Variants in IGFL2 observed in about 807,000 individuals in gnomAD.
The protein encoded by IGFL2 is insulin growth factor-like family member 2.
IGFL2 carries 7 observed loss-of-function variants against 13.9 expected under a neutral mutation model. The observed-to-expected ratio is 0.51, with a 90% CI of 0.29 to 0.95. IGFL2 has a LOEUF of 0.95. Ranked by LOEUF, IGFL2 falls within the 40% of genes least tolerant of loss-of-function variation. The probability of loss-of-function intolerance (pLI) is 0.08; values close to 1 mark genes in which losing one functional copy is unlikely to be tolerated. For synonymous variants in IGFL2, 55 were observed against 55.8 expected, an observed-to-expected ratio of 0.99 and a Z score of 0.07; for missense variants, 138 against 147.8, an observed-to-expected ratio of 0.93 and a Z score of 0.34.
the IGFL2 span, chr19:46,206,717 G>A: frequency 1.3e-5 from 2 of 152,206 alleles, no homozygotes; most frequent in African/African-American, 4.8e-5. Context: ...CTAGTTGAAT[G>A]TATAAGATAC....
rs1313240734 is a variant in IGFL2 at position 46,161,146 on chromosome 19, T to TA, written c.*60dup. ...GGCATCTCAGAAACATAGGCTAAGG[T>TA]AATATGTGTACCAGTAGAGAAGCCT... On this transcript the variant is annotated 3_prime_UTR_variant, in exon 4 of 4. Coordinates refer to ENST00000377693, the MANE Select transcript of IGFL2 (RefSeq NM_001135113.2). 1.8e-5 allele frequency: 23 copies of TA among 1,296,954 alleles called. No homozygotes were observed. The East Asian group carries it at 4.8e-4, about 27-fold the overall frequency. The allele number at this position is 1,296,954 out of a possible 1,614,324, so 80.3% of individuals were successfully genotyped here.
At chr19:46,097,068 TGGAATAGTTTCA>T in the IGFL2 span, among the ~76,000 whole-genome samples, 1 of 152,260 alleles carries the variant, frequency 6.6e-6, no homozygotes, top group African/African-American at 2.4e-5. Context: ...TTCAATTGTT[TGGAATAGTTTCA>T]GAAGAAATGG....
At chr19:46,081,167 C>G in the IGFL2 span, among the ~76,000 whole-genome samples, 34 of 152,288 alleles carry the variant, frequency 2.2e-4, no homozygotes, top group East Asian at 6.4e-3. Context: ...ATACATAACG[C>G]TTATTTCAGG....
At chr19:46,096,212 G>A in the IGFL2 span, among the ~76,000 whole-genome samples, 1 of 152,172 alleles carries the variant, frequency 6.6e-6, no homozygotes, top group South Asian at 2.1e-4. Context: ...GTGGTTAGTA[G>A]TACTCCTTGA....
chr19:46,163,455 G>C (rs374058190), downstream of IGFL2, among the ~76,000 whole-genome samples: 14 of 152,214 alleles, frequency 9.2e-5, no homozygotes, highest in African/African-American at 3.1e-4. Flanking sequence ...TCCATGCCAG[G>C]GGTTCCCTGC....
chr19:46,176,315 G>C, the IGFL2 span, among the ~76,000 whole-genome samples: 1 of 152,052 alleles, frequency 6.6e-6, no homozygotes, highest in South Asian at 2.1e-4. Flanking sequence ...TATTGTTTAG[G>C]AGAGAATTCT....
the IGFL2 span, among the ~76,000 whole-genome samples, chr19:46,084,132 T>C: frequency 6.6e-6 from 1 of 152,240 alleles, no homozygotes; most frequent in South Asian, 2.1e-4. Flanking sequence ...ATTTCTAGTA[T>C]TATACCATTG....
the IGFL2 span, among the ~76,000 whole-genome samples, chr19:46,169,380 C>T: frequency 6.6e-6 from 1 of 151,818 alleles, no homozygotes; most frequent in Admixed American, 6.6e-5. Flanking sequence ...AGAACAATGA[C>T]CATAAAAATA....
At chr19:46,197,207 C>A in the IGFL2 span, 1 of 211,846 alleles carries the variant, frequency 4.7e-6, no homozygotes, top group South Asian at 7.7e-5. Flanking sequence ...TCCCTCAGTC[C>A]CCCAGCGTCC....
the IGFL2 span, among the ~76,000 whole-genome samples, chr19:46,098,401 A>G: frequency 6.6e-6 from 1 of 151,008 alleles, no homozygotes; most frequent in Non-Finnish European, 1.5e-5. Flanking sequence ...GTATCATTGC[A>G]TGGAGATGGG....
chr19:46,129,334 T>TGC, the IGFL2 span, among the ~76,000 whole-genome samples: 5 of 151,596 alleles, frequency 3.3e-5, no homozygotes, highest in Non-Finnish European at 7.4e-5. Context: ...TGTGTGTGTG[T>TGC]GTGTGTGTGT....
At chr19:46,206,103 CAA>C in the IGFL2 span, among the ~76,000 whole-genome samples, 2 of 152,170 alleles carry the variant, frequency 1.3e-5, no homozygotes, top group Non-Finnish European at 2.9e-5. Flanking sequence ...TGTTTGACCA[CAA>C]AGTCTCAGGA....
At chr19:46,138,174 G>A (rs1285933637), upstream of IGFL2, among the ~76,000 whole-genome samples, 1 of 152,132 alleles carries the variant, frequency 6.6e-6, no homozygotes, top group Non-Finnish European at 1.5e-5. Flanking sequence ...CTTTGAAGTT[G>A]CTGTCCTTTG....
chr19:46,125,602 A>G, the IGFL2 span, among the ~76,000 whole-genome samples: 2 of 152,242 alleles, frequency 1.3e-5, no homozygotes, highest in Admixed American at 6.5e-5. Context: ...CTGGCACAGC[A>G]TAGGGAAGAG....
chr19:46,208,872 A>C, the IGFL2 span: 3 of 150,660 alleles, frequency 2.0e-5, no homozygotes, highest in Non-Finnish European at 4.4e-5. Context: ...ACCCAGTCTC[A>C]GGTAGTTTTT....
At chr19:46,081,594 C>T in the IGFL2 span, among the ~76,000 whole-genome samples, 1 of 152,136 alleles carries the variant, frequency 6.6e-6, no homozygotes, top group Admixed American at 6.5e-5. Flanking sequence ...CTTGTCTTAT[C>T]AGACAGATAG....
intron 1 of IGFL2, among the ~76,000 whole-genome samples, chr19:46,154,506 C>T (rs945693816): frequency 7.2e-5 from 11 of 152,116 alleles, no homozygotes; most frequent in East Asian, 1.9e-4. Context: ...TGCAGTGGCG[C>T]GATCTCAGCT....
the IGFL2 span, among the ~76,000 whole-genome samples, chr19:46,167,630 C>G: frequency 6.6e-6 from 1 of 152,312 alleles, no homozygotes; most frequent in Admixed American, 6.5e-5. Flanking sequence ...CTATTATGGA[C>G]TGAATGTTTA....
chr19:46,100,636 T>C, the IGFL2 span, among the ~76,000 whole-genome samples: 1 of 152,162 alleles, frequency 6.6e-6, no homozygotes, highest in East Asian at 1.9e-4. Context: ...TGCATTGCCA[T>C]GGTGAAGTTT....
Sources: allele counts gnomAD v4.1 joint callset (sites outside exome capture counted in the v4.1 genomes callset), GRCh38; gene constraint gnomAD v4.1.1; transcripts MANE v1.5; gene names NCBI Gene and HGNC (gene_info 2026-07-23, HGNC 2026-07-21).